Variants in EPHA6 observed in about 807,000 individuals in gnomAD.
EPHA6 encodes EPH receptor A6, also known as ephrin type-A receptor 6.
A neutral mutation model predicts 112.0 loss-of-function variants in EPHA6; 50 were observed. The ratio of observed to expected loss-of-function variants is 0.45; its 90% CI spans 0.36 to 0.56. The LOEUF is 0.56. Ranked by LOEUF, EPHA6 falls within the 20% of genes least tolerant of loss-of-function variation. The pLI is 0.00. For synonymous variants in EPHA6, 529 were observed against 490.7 expected, an observed-to-expected ratio of 1.08 and a Z score of -1.03; for missense variants, 1,280 against 1,417.4, an observed-to-expected ratio of 0.90 and a Z score of 1.56.
chr3:97,735,310 T>C (rs1356639552), intron 15 of EPHA6, among the ~76,000 whole-genome samples: 4 of 152,000 alleles, frequency 2.6e-5, no homozygotes, highest in African/African-American at 7.2e-5. Flanking sequence ...AGCCTTAAGC[T>C]AGCCAGTGAT....
At chr3:96,851,788 A>G (rs2035402299) in intron 1 of EPHA6, among the ~76,000 whole-genome samples, 1 of 152,088 alleles carries the variant, frequency 6.6e-6, no homozygotes, top group Non-Finnish European at 1.5e-5. Context: ...ACTTGAAATA[A>G]ATTTAGTACG....
chr3:97,672,047 C>A (rs1026429158), intron 14 of EPHA6, among the ~76,000 whole-genome samples: 4 of 152,144 alleles, frequency 2.6e-5, no homozygotes, highest in African/African-American at 9.7e-5. Flanking sequence ...AGGATGAGTA[C>A]TTTGTGCTTT....
chr3:97,495,015 T>C (rs998203244), intron 10 of EPHA6, among the ~76,000 whole-genome samples: 10 of 152,290 alleles, frequency 6.6e-5, no homozygotes, highest in African/African-American at 2.4e-4. Context: ...TTCTAATCAA[T>C]GTGAGAACAC....
At chr3:97,027,057 G>A (rs1048764436) in intron 3 of EPHA6, among the ~76,000 whole-genome samples, 1 of 152,202 alleles carries the variant, frequency 6.6e-6, no homozygotes, top group East Asian at 1.9e-4. Context: ...ATCAGTGATA[G>A]ACTGGATAAA....
chr3:97,649,118 G>A (rs1051101253), intron 14 of EPHA6, among the ~76,000 whole-genome samples: 1 of 152,180 alleles, frequency 6.6e-6, no homozygotes, highest in Middle Eastern at 3.4e-3. Flanking sequence ...ACATATCTGA[G>A]ACTGGGTGAT....
intron 2 of EPHA6, among the ~76,000 whole-genome samples, chr3:96,956,629 C>T (rs558625591): frequency 2.6e-4 from 40 of 152,018 alleles, no homozygotes; most frequent in South Asian, 1.7e-3. Flanking sequence ...GATCAGGAAG[C>T]GTTTATTTGG....
At chr3:97,221,666 C>T (rs1365537262) in intron 3 of EPHA6, among the ~76,000 whole-genome samples, 1 of 152,138 alleles carries the variant, frequency 6.6e-6, no homozygotes, top group Non-Finnish European at 1.5e-5. Flanking sequence ...ACACAGAATA[C>T]TTGTGCAATT....
intron 5 of EPHA6, among the ~76,000 whole-genome samples, chr3:97,283,238 G>C (rs1274692202): frequency 6.6e-6 from 1 of 152,068 alleles, no homozygotes; most frequent in Non-Finnish European, 1.5e-5. Flanking sequence ...ATTATGTAAA[G>C]TGACAAGTTA....
At chr3:97,329,854 G>A (rs2082693318) in intron 5 of EPHA6, among the ~76,000 whole-genome samples, 2 of 151,878 alleles carry the variant, frequency 1.3e-5, no homozygotes, top group African/African-American at 4.8e-5. Flanking sequence ...GGCTTTTGTT[G>A]CCATTGCTTT....
At chr3:97,238,620 G>A (rs1360860097) in intron 4 of EPHA6, among the ~76,000 whole-genome samples, 1 of 151,886 alleles carries the variant, frequency 6.6e-6, no homozygotes, top group East Asian at 1.9e-4. Flanking sequence ...AACAAATTAT[G>A]TGAAATATTA....
intron 3 of EPHA6, among the ~76,000 whole-genome samples, chr3:97,109,886 A>T (rs1222171463): frequency 6.6e-6 from 1 of 152,136 alleles, no homozygotes; most frequent in African/African-American, 2.4e-5. Flanking sequence ...ATCATATGGT[A>T]ACCTAACAAT....
chr3:97,369,826 T>C (rs1254741105), intron 5 of EPHA6, among the ~76,000 whole-genome samples: 2 of 152,134 alleles, frequency 1.3e-5, no homozygotes, highest in Non-Finnish European at 2.9e-5. Context: ...ATTTACCAAA[T>C]TTAGGAGTAT....
chr3:96,932,455 AAGAG>A (rs149885377), intron 2 of EPHA6, among the ~76,000 whole-genome samples: 7,232 of 152,332 alleles, frequency 0.047, 502 homozygotes, highest in African/African-American at 0.15. Context: ...ATCCTTTAAA[AAGAG>A]AGAACTGGTT....
rs570944672 is a variant in EPHA6, at chr3:97,122,845, G to T, written c.1115-103419G>T. Among the ~76,000 whole-genome samples the T allele has an allele frequency of 2.0e-5, 3 of 152,086 alleles. No individual in the cohort carries two copies. In the South Asian group the frequency reaches 6.2e-4, roughly 32 times the overall value. On this transcript the variant is annotated intron_variant, in intron 3 of 17. Coordinates refer to ENST00000389672, the MANE Select transcript of EPHA6 (RefSeq NM_001080448.3). ...ATGTATGTGTATAAAATATATGTAT[G>T]ATATGTTGATAAGGCAAATCCTGCT...
At chr3:97,071,159 C>G (rs1016091337) in intron 3 of EPHA6, among the ~76,000 whole-genome samples, 8 of 151,960 alleles carry the variant, frequency 5.3e-5, no homozygotes, top group Non-Finnish European at 2.9e-5. Flanking sequence ...TCTTTGCAAA[C>G]TTCACATATC....
chr3:97,379,659 G>C (rs1443550250), intron 5 of EPHA6, among the ~76,000 whole-genome samples: 2 of 140,918 alleles, frequency 1.4e-5, no homozygotes, highest in Non-Finnish European at 3.0e-5. Context: ...TGAGACAGGA[G>C]AATTGTTTGA....
At chr3:96,828,404 G>A (rs562916168) in intron 1 of EPHA6, among the ~76,000 whole-genome samples, 2 of 152,224 alleles carry the variant, frequency 1.3e-5, no homozygotes, top group African/African-American at 4.8e-5. Flanking sequence ...ATGTGTCCAC[G>A]ATGTGTGCTC....
chr3:97,344,052 C>T (rs191293256), intron 5 of EPHA6, among the ~76,000 whole-genome samples: 37 of 152,234 alleles, frequency 2.4e-4, no homozygotes, highest in African/African-American at 7.7e-4. Flanking sequence ...CATTACGTTT[C>T]GGAAGCACAT....
chr3:96,889,894 G>T (rs1220889563), intron 2 of EPHA6, among the ~76,000 whole-genome samples: 4 of 152,056 alleles, frequency 2.6e-5, no homozygotes, highest in Non-Finnish European at 5.9e-5. Context: ...TAAGTGACCT[G>T]ATTTACAAGA....
Sources: allele counts gnomAD v4.1 joint callset (sites outside exome capture counted in the v4.1 genomes callset), GRCh38; gene constraint gnomAD v4.1.1; transcripts MANE v1.5; gene names NCBI Gene and HGNC (gene_info 2026-07-23, HGNC 2026-07-21).